Variants in FANCI observed in about 807,000 individuals in gnomAD.
FANCI encodes the protein FA complementation group I.
FANCI carries 156 observed loss-of-function variants against 176.1 expected under a neutral mutation model. The ratio of observed to expected loss-of-function variants is 0.89; its 90% CI spans 0.78 to 1.01. The LOEUF is 1.01. Ranked by LOEUF, FANCI falls within the 50% of genes least tolerant of loss-of-function variation. The pLI, the probability that FANCI is intolerant of heterozygous loss-of-function variation, is 0.00. For synonymous variants in FANCI, 613 were observed against 541.7 expected, an observed-to-expected ratio of 1.13 and a Z score of -1.83; for missense variants, 1,678 against 1,534.1, an observed-to-expected ratio of 1.09 and a Z score of -1.57.
Position 89,292,826 on chromosome 15 carries a change from AAT to A in FANCI, c.2133_2134del (p.Asn711LysfsTer4). 2 of 1,614,120 alleles carry A rather than the reference AAT, an allele frequency of 1.2e-6. No homozygotes were observed. Among genetic ancestry groups the A allele is most frequent in the Non-Finnish European group, 1.7e-6 (2 of 1,180,010 alleles). ...DLDDILESIT[N>X]RMIKSELEDF... ...AGATGATATATTGGAGTCCATTACT[AAT>A]AGAATGATTAAGAGTGAGCTGGAAG... is the stretch of plus-strand genomic sequence containing the variant. On this transcript the variant is annotated frameshift_variant, in exon 21 of 38. Coordinates refer to ENST00000310775, the MANE Select transcript of FANCI (RefSeq NM_001113378.2). LOFTEE classifies it high-confidence loss of function.
At chr15:89,306,673 T>A (rs530094143) in intron 32 of FANCI, among the ~76,000 whole-genome samples, 1 of 152,190 alleles carries the variant, frequency 6.6e-6, no homozygotes, top group South Asian at 2.1e-4. Flanking sequence ...GCGTTGGCAA[T>A]AGAGTGAGAC....
At chr15:89,259,034 G>A (rs2052611963) in intron 3 of FANCI, 1 of 446,800 alleles carries the variant, frequency 2.2e-6, no homozygotes, top group Non-Finnish European at 4.1e-6. Flanking sequence ...CGTAAAATCT[G>A]CTTTGGTTTA....
At chr15:89,282,168 G>A (rs906615719) in intron 16 of FANCI, 3 of 356,710 alleles carry the variant, frequency 8.4e-6, no homozygotes, top group South Asian at 2.4e-5. Context: ...CAGAGCTTGT[G>A]ATGTCAAGTA....
chr15:89,267,710 T>C (rs1473199534), intron 9 of FANCI, among the ~76,000 whole-genome samples: 2 of 152,172 alleles, frequency 1.3e-5, no homozygotes, highest in African/African-American at 2.4e-5. Context: ...GAGAATCACT[T>C]GAGCCCAGGA....
Position 89,260,726 on chromosome 15 carries a change from T to C in FANCI, c.171T>C (p.Ser57=). Reference sequence around the variant, plus strand: ...TAAAACAATAAGGTTCCCCCTGCTCTGAGGAAGCTGGAACACTTAGGAGAC... The same window carrying C: ...TAAAACAATAAGGTTCCCCCTGCTCCGAGGAAGCTGGAACACTTAGGAGAC... ...LRAIFKGSPC[S]EEAGTLRRRK... is the part of the protein sequence containing the mutation. The change falls in exon 4 of 38, where the codon TCT becomes TCC. Residue 57 remains serine, a synonymous_variant. Coordinates refer to ENST00000310775, the MANE Select transcript of FANCI (RefSeq NM_001113378.2). 6.2e-7 allele frequency: 1 copy of C among 1,613,840 alleles called. No homozygotes were observed.
intron 17 of FANCI, among the ~76,000 whole-genome samples, 166 bp from the exon 18 acceptor site, chr15:89,284,930 A>G (rs2053757394): frequency 6.6e-6 from 1 of 152,238 alleles, no homozygotes; most frequent in Non-Finnish European, 1.5e-5. Context: ...CCAGAATAAG[A>G]GTGACACTTA....
intron 1 of FANCI, among the ~76,000 whole-genome samples, chr15:89,246,787 A>G (rs1377259338): frequency 3.1e-5 from 3 of 97,392 alleles, no homozygotes; most frequent in African/African-American, 1.4e-4. Context: ...TTTTTTTGAG[A>G]CAGAGCCTCG....
chr15:89,281,560 A>G (rs919668779), intron 15 of FANCI, among the ~76,000 whole-genome samples: 1 of 152,224 alleles, frequency 6.6e-6, no homozygotes, highest in Non-Finnish European at 1.5e-5. Flanking sequence ...ATTGACTACA[A>G]TAGATTTACA....
At position 89,261,623 on chromosome 15, in the gene FANCI, C is replaced by T. The variant is rs1215964073; in HGVS notation, c.327C>T (p.Ala109=). ...HFPGPLLVEL[A]NEFISAVREG... is the part of the protein sequence containing the mutation. ...CAGGACCATTATTGGTTGAATTAGCCAATGAGTTTATTAGTGCTGTCAGAG... is the reference window on the plus strand; with the variant it reads ...CAGGACCATTATTGGTTGAATTAGCTAATGAGTTTATTAGTGCTGTCAGAG... The change falls in exon 5 of 38, where the codon GCC becomes GCT. Residue 109 remains alanine, a synonymous_variant. Coordinates refer to ENST00000310775, the MANE Select transcript of FANCI (RefSeq NM_001113378.2). 6.2e-6 allele frequency: 10 copies of T among 1,614,088 alleles called. No homozygotes were observed. The highest frequency in any genetic ancestry group is 7.6e-6 in the Non-Finnish European group (9 of 1,180,014).
chr15:89,264,407 A>T (rs1457979197), intron 8 of FANCI, 115 bp from the exon 9 acceptor site: 13 of 818,014 alleles, frequency 1.6e-5, no homozygotes, highest in Non-Finnish European at 2.7e-5. Flanking sequence ...TCTAAGTCAT[A>T]GATTATTTAT....
Position 89,281,238 on chromosome 15 carries a change from G to A in FANCI, c.1450G>A (p.Ala484Thr), listed in dbSNP as rs762578169. 6.2e-7 allele frequency: 1 copy of A among 1,613,846 alleles called. No homozygotes were observed. Among genetic ancestry groups the A allele is most frequent in the South Asian group, 1.1e-5 (1 of 91,080 alleles). ...AAGTTGTTCTTCTAAAGTCACAGAAGCTTTTGACTATTTGTCCTTTCTGCC... is the reference window on the plus strand; with the variant it reads ...AAGTTGTTCTTCTAAAGTCACAGAAACTTTTGACTATTTGTCCTTTCTGCC... ...LQSCSSKVTE[A>T]FDYLSFLPLQ... The change falls in exon 15 of 38, where the codon GCT becomes ACT. Residue 484 changes from alanine (A) to threonine (T), a missense_variant. Physicochemically the swap from Ala to Thr is moderately conservative, Grantham distance 58. Transcript: ENST00000310775.
intron 9 of FANCI, among the ~76,000 whole-genome samples, chr15:89,268,097 C>CT (rs1203962781): frequency 6.6e-6 from 1 of 151,860 alleles, no homozygotes. Flanking sequence ...TAGCTCATAC[C>CT]TTTTTTTTGT....
intron 36 of FANCI, among the ~76,000 whole-genome samples, 154 bp downstream of exon 36, chr15:89,314,861 G>A (rs1210481710): frequency 1.2e-5 from 1 of 85,694 alleles, no homozygotes; most frequent in Non-Finnish European, 2.1e-5. Flanking sequence ...TTTTTTTTTT[G>A]AGACTGTGTC....
At chr15:89,297,149 C>G (rs1255727411) in intron 24 of FANCI, among the ~76,000 whole-genome samples, 1 of 149,664 alleles carries the variant, frequency 6.7e-6, no homozygotes, top group African/African-American at 2.5e-5. Context: ...CAGGGCTCCT[C>G]ACTTCTCAGA....
At position 89,315,406 on chromosome 15, in the gene FANCI, G is replaced by A. The variant is rs753891518; in HGVS notation, c.3924+17G>A. 4.5e-6 allele frequency: 7 copies of A among 1,546,918 alleles called. No homozygotes were observed. In the East Asian group the frequency reaches 1.3e-4, roughly 30 times the overall value. On this transcript the variant is annotated intron_variant, in intron 37 of 37. Coordinates refer to ENST00000310775, the MANE Select transcript of FANCI (RefSeq NM_001113378.2). The stretch of plus-strand genomic sequence containing the variant: ...AATGAAGAGGTCAGTGCTGGCTTCT[G>A]TCTGGAGCCCAGCCACTCTTCCTAG...
chr15:89,274,678 C>T lies in FANCI; in HGVS notation c.1112+374C>T, dbSNP rs903868479. Among the ~76,000 whole-genome samples the T allele has an allele frequency of 4.6e-5, 6 of 129,098 alleles. No individual in the cohort carries two copies. In the East Asian group the frequency reaches 7.5e-4, roughly 16 times the overall value. The allele number at this position is 129,098 out of a possible 152,430, so 84.7% of individuals were successfully genotyped here. ...GGAGTGTAGTGCCACAATCTTGGCTCACTGCACCCTTGACCTCCTGGGCTC... is the reference window on the plus strand; with the variant it reads ...GGAGTGTAGTGCCACAATCTTGGCTTACTGCACCCTTGACCTCCTGGGCTC... On this transcript the variant is annotated intron_variant, in intron 12 of 37. Coordinates refer to ENST00000310775, the MANE Select transcript of FANCI (RefSeq NM_001113378.2).
At chr15:89,269,359 A>G (rs140571981) in intron 10 of FANCI, among the ~76,000 whole-genome samples, 7 of 152,100 alleles carry the variant, frequency 4.6e-5, no homozygotes, top group Non-Finnish European at 7.4e-5. Flanking sequence ...TATATTCCCT[A>G]TTCACATTTT....
intron 10 of FANCI, among the ~76,000 whole-genome samples, chr15:89,268,809 AAGGTG>A (rs751114985): frequency 6.6e-6 from 1 of 152,134 alleles, no homozygotes; most frequent in Non-Finnish European, 1.5e-5. Flanking sequence ...AGTGGGAAAA[AAGGTG>A]AGAACTATTC....
At chr15:89,256,489 TTTA>T (rs2052499281) in intron 2 of FANCI, among the ~76,000 whole-genome samples, 1 of 152,212 alleles carries the variant, frequency 6.6e-6, no homozygotes, top group Non-Finnish European at 1.5e-5. Context: ...AGTTTATTGT[TTTA>T]TTAGTCTTGG....
Sources: gnomAD v4.1 joint callset for allele counts (sites outside exome capture counted in the v4.1 genomes callset) on GRCh38, gnomAD v4.1.1 for gene constraint, MANE v1.5 for transcripts, NCBI Gene and HGNC (gene_info 2026-07-23, HGNC 2026-07-21) for gene names.